Variants in PXYLP1 observed in about 807,000 individuals in gnomAD.
PXYLP1 encodes 2-phosphoxylose phosphatase 1, also known as acid phosphatase-like 2.
A neutral mutation model predicts 37.9 loss-of-function variants in PXYLP1; 17 were observed. The observed-to-expected ratio is 0.45, with a 90% CI of 0.31 to 0.67. PXYLP1 has a LOEUF of 0.67. Ranked by LOEUF, PXYLP1 falls within the 30% of genes least tolerant of loss-of-function variation. The pLI is 0.07. For synonymous variants in PXYLP1, 221 were observed against 232.2 expected, an observed-to-expected ratio of 0.95 and a Z score of 0.44; for missense variants, 511 against 612.0, an observed-to-expected ratio of 0.84 and a Z score of 1.74.
intron 4 of PXYLP1, among the ~76,000 whole-genome samples, chr3:141,283,488 G>A (rs1443519323): frequency 6.6e-6 from 1 of 152,136 alleles, no homozygotes; most frequent in Non-Finnish European, 1.5e-5. Flanking sequence ...AAGGGGCCAG[G>A]GATGTTGCAA....
intron 2 of PXYLP1, chr3:141,273,568 T>C: frequency 1.0e-6 from 1 of 985,472 alleles, no homozygotes. Context: ...TTACTCATGA[T>C]TCTAAGAAAT....
chr3:141,252,118 C>G (rs946878951), intron 1 of PXYLP1, among the ~76,000 whole-genome samples: 4 of 152,124 alleles, frequency 2.6e-5, no homozygotes, highest in South Asian at 2.1e-4. Context: ...CAGGCCCATG[C>G]ATTTAACAGC....
chr3:141,274,708 G>A, intron 2 of PXYLP1: 1 of 703,868 alleles, frequency 1.4e-6, no homozygotes, highest in Non-Finnish European at 2.6e-6. Flanking sequence ...GGATGTTTGG[G>A]ATGGCAGGGT....
chr3:141,293,339 AGATGGTTGGGGTTG>A lies in PXYLP1; in HGVS notation c.*135_*148del. Reference sequence around the variant, plus strand: ...GCTAAATATTGTTTGTGGGAACCACAGATGGTTGGGGTTGAACAGTAAGCACATTGCTGCAATGT... The same window carrying A: ...GCTAAATATTGTTTGTGGGAACCACAAACAGTAAGCACATTGCTGCAATGT... On this transcript the variant is annotated 3_prime_UTR_variant, in exon 6 of 6. Coordinates refer to ENST00000286353, the MANE Select transcript of PXYLP1 (RefSeq NM_001037172.3). 4 of 975,188 alleles carry A rather than the reference AGATGGTTGGGGTTG, an allele frequency of 4.1e-6. No homozygotes were observed. Among genetic ancestry groups the A allele is most frequent in the Non-Finnish European group, 4.4e-6 (3 of 678,154 alleles). 60.4% of individuals were successfully genotyped at this position (975,188 alleles called of 1,614,324 possible).
intron 1 of PXYLP1, among the ~76,000 whole-genome samples, chr3:141,235,863 C>G (rs1051616079): frequency 2.6e-5 from 4 of 152,258 alleles, no homozygotes; most frequent in Admixed American, 2.6e-4. Context: ...AGACTCTGGC[C>G]TGTTTATCCT....
chr3:141,257,573 C>A (rs1013011872), intron 1 of PXYLP1, among the ~76,000 whole-genome samples: 5 of 152,122 alleles, frequency 3.3e-5, no homozygotes, highest in African/African-American at 1.2e-4. Context: ...ACCAAATGCC[C>A]ACCTGAAGAC....
intron 5 of PXYLP1, among the ~76,000 whole-genome samples, chr3:141,290,390 A>G (rs911141040): frequency 2.6e-5 from 4 of 152,228 alleles, no homozygotes; most frequent in African/African-American, 9.7e-5. Flanking sequence ...TTGATGAGGT[A>G]GCATGTGTAG....
intron 1 of PXYLP1, chr3:141,234,853 T>C (rs1940622229): frequency 6.6e-6 from 1 of 152,258 alleles, no homozygotes; most frequent in Non-Finnish European, 1.5e-5. Context: ...GTCACGAACT[T>C]ATCTTTCTTA....
intron 4 of PXYLP1, among the ~76,000 whole-genome samples, chr3:141,287,011 C>T (rs1208534382): frequency 3.9e-5 from 6 of 152,118 alleles, no homozygotes; most frequent in Admixed American, 6.5e-5. Flanking sequence ...GGCGGCCTCC[C>T]GGAGAGCGAG....
At chr3:141,290,286 T>C (rs1013870036) in intron 5 of PXYLP1, among the ~76,000 whole-genome samples, 2 of 152,222 alleles carry the variant, frequency 1.3e-5, no homozygotes, top group African/African-American at 2.4e-5. Flanking sequence ...TAATGCCAGA[T>C]ACTGCAGGGC....
intron 4 of PXYLP1, among the ~76,000 whole-genome samples, chr3:141,284,218 T>C (rs759336250): frequency 7.2e-5 from 11 of 152,136 alleles, no homozygotes; most frequent in Non-Finnish European, 1.3e-4. Flanking sequence ...CTCCACCTGG[T>C]CATTCAGGGC....
At chr3:141,286,813 T>C (rs1196099831) in intron 4 of PXYLP1, among the ~76,000 whole-genome samples, 1 of 152,172 alleles carries the variant, frequency 6.6e-6, no homozygotes, top group Admixed American at 6.5e-5. Context: ...AAAGAGCCCA[T>C]TGCCAGCCAG....
chr3:141,252,604 T>A (rs540520601), intron 1 of PXYLP1, among the ~76,000 whole-genome samples: 26 of 152,308 alleles, frequency 1.7e-4, no homozygotes, highest in South Asian at 2.1e-4. Flanking sequence ...ACCACTGCCA[T>A]GACCCAAACA....
intron 1 of PXYLP1, among the ~76,000 whole-genome samples, chr3:141,244,503 T>C (rs1482849385): frequency 2.0e-5 from 3 of 151,508 alleles, no homozygotes; most frequent in Non-Finnish European, 2.9e-5. Context: ...CTAGACCTTT[T>C]TCGGTAAATT....
intron 2 of PXYLP1, among the ~76,000 whole-genome samples, chr3:141,269,952 G>C (rs776274290): frequency 9.9e-5 from 15 of 152,232 alleles, no homozygotes; most frequent in Non-Finnish European, 5.9e-5. Flanking sequence ...CAGGCCACAG[G>C]GGGAGCCCCC....
chr3:141,249,996 C>T (rs1941105618), intron 1 of PXYLP1, among the ~76,000 whole-genome samples: 1 of 151,500 alleles, frequency 6.6e-6, no homozygotes, highest in Non-Finnish European at 1.5e-5. Flanking sequence ...GTGGTTAGAA[C>T]ATGTAGTTCA....
intron 2 of PXYLP1, among the ~76,000 whole-genome samples, chr3:141,270,791 G>T (rs1277656763): frequency 6.6e-6 from 1 of 152,182 alleles, no homozygotes; most frequent in Non-Finnish European, 1.5e-5. Context: ...GCAGGGGTTT[G>T]ATATCCCTTC....
chr3:141,255,727 G>A (rs1217794588), intron 1 of PXYLP1, among the ~76,000 whole-genome samples: 1 of 152,212 alleles, frequency 6.6e-6, no homozygotes, highest in African/African-American at 2.4e-5. Context: ...ATGGCAGGAA[G>A]GGAACCAAGG....
rs143608053 is a variant in PXYLP1 at position 141,242,438 on chromosome 3, C to T, written c.-54+10527C>T. Among the ~76,000 whole-genome samples, 21 of 152,348 alleles carry T rather than the reference C, an allele frequency of 1.4e-4. No homozygotes were observed. The East Asian group carries it at 2.7e-3, about 20-fold the overall frequency. ...GAAGGTAAGGGTTCTGATAACTGTG[C>T]TTTCTTTCCCTAAGGAAAAGAGGGC... On this transcript the variant is annotated intron_variant, in intron 1 of 5. Coordinates refer to ENST00000286353, the MANE Select transcript of PXYLP1 (RefSeq NM_001037172.3).
Sources: allele counts gnomAD v4.1 joint callset (sites outside exome capture counted in the v4.1 genomes callset), GRCh38; gene constraint gnomAD v4.1.1; transcripts MANE v1.5; gene names NCBI Gene and HGNC (gene_info 2026-07-23, HGNC 2026-07-21).